DNAH10: variants seen among roughly 807,000 people sequenced by gnomAD.
DNAH10 encodes dynein axonemal heavy chain 10.
Under a neutral mutation model 506.6 loss-of-function variants are expected in DNAH10, and 348 were observed. That is an observed-to-expected ratio of 0.69 (90% CI 0.63 to 0.75). The LOEUF (loss-of-function observed/expected upper bound fraction) is 0.75, where lower values mean the gene tolerates loss of function less well. DNAH10 is among the 30% of genes least tolerant of loss of function. DNAH10 has a pLI of 0.00. For missense variants in DNAH10, 5,179 were observed against 5,787.1 expected, an observed-to-expected ratio of 0.89 and a Z score of 3.41; for synonymous variants, 2,059 against 2,198.6, an observed-to-expected ratio of 0.94 and a Z score of 1.78.
intron 1 of DNAH10, among the ~76,000 whole-genome samples, chr12:123,765,961 A>G (rs974403641): frequency 8.6e-5 from 13 of 152,008 alleles, no homozygotes; most frequent in African/African-American, 2.7e-4. Context: ...CTGTCTACCT[A>G]TCACTTACCT....
At position 123,902,819 on chromosome 12, in the gene DNAH10, C is replaced by T; in HGVS notation, c.9641-120C>T. The T allele has an allele frequency of 2.3e-6, 3 of 1,288,692 alleles. No individual in the cohort carries two copies. 79.8% of individuals were successfully genotyped at this position (1,288,692 alleles called of 1,614,324 possible). A position where few individuals can be genotyped will look rare whatever the true frequency, so the allele number is the denominator to read the frequency against. ...CTGAGGCTGCCACATTGGCCAGAGC[C>T]CCTTAGATCCCCGCTAGGGCTCAAG... is the stretch of plus-strand genomic sequence containing the variant. On this transcript the variant is annotated intron_variant, in intron 56 of 78. Coordinates refer to ENST00000673944, the MANE Select transcript of DNAH10 (RefSeq NM_001372106.1). The surrounding 1 kb of genome is among the most constrained non-coding windows in gnomAD (Gnocchi z 4.5).
chr12:123,897,631 G>A (rs554930859), intron 54 of DNAH10, 139 bp from the exon 55 acceptor site: 1 of 823,626 alleles, frequency 1.2e-6, no homozygotes, highest in Non-Finnish European at 1.8e-6. Flanking sequence ...AGGCTGAGGT[G>A]GGAGGATCAC....
intron 19 of DNAH10, among the ~76,000 whole-genome samples, chr12:123,811,933 C>T (rs1034836354): frequency 1.3e-5 from 2 of 152,034 alleles, no homozygotes; most frequent in South Asian, 2.1e-4. Context: ...CAACGCGCCC[C>T]GCCTAGTGTT....
Position 123,819,700 on chromosome 12 carries a change from G to GTTT in DNAH10, c.4000+470_4000+472dup, listed in dbSNP as rs768231077. Among the ~76,000 whole-genome samples the GTTT allele has an allele frequency of 3.0e-3, 307 of 101,800 alleles. 2 individuals are homozygous for GTTT. Among genetic ancestry groups the GTTT allele is most frequent in the African/African-American group, 3.6e-3 (90 of 24,912 alleles). The allele number at this position is 101,800 out of a possible 152,430, so 66.8% of individuals were successfully genotyped here. On this transcript the variant is annotated intron_variant, in intron 23 of 78. Coordinates refer to ENST00000673944, the MANE Select transcript of DNAH10 (RefSeq NM_001372106.1). ...GACAAGTTAAAAATACTAAAATTCT[G>GTTT]TTTTTTTTTTTTTTTTTTTTTTGAG... is the stretch of plus-strand genomic sequence containing the variant.
rs753806414 is a variant in DNAH10 at position 123,781,203 on chromosome 12, G to A, written c.745G>A (p.Val249Ile). Residue 249 changes from valine to isoleucine, a missense_variant, in exon 6 of 79, where the codon GTA (valine) becomes ATA (isoleucine). Coordinates refer to ENST00000673944, the MANE Select transcript of DNAH10 (RefSeq NM_001372106.1). Reference sequence around the variant, plus strand: ...CCTGCCGCCCATGCCTGGGGAGGCAGTAGAATATCACAGTATTCAATTAAT... The same window carrying A: ...CCTGCCGCCCATGCCTGGGGAGGCAATAGAATATCACAGTATTCAATTAAT... ...SDLPPMPGEAVEYHSIQLIRD... is the reference protein window; with the variant it reads ...SDLPPMPGEAIEYHSIQLIRD... 6.2e-7 allele frequency: 1 copy of A among 1,614,120 alleles called. No individual in the cohort carries two copies. Among genetic ancestry groups the A allele is most frequent in the South Asian group, 1.1e-5 (1 of 91,074 alleles).
rs77666229 is a variant in DNAH10, at chr12:123,785,638, A to G, written c.1231-108A>G. ...TGGGCACCAGACTTGGTCTCAAGGA[A>G]AAAAAAAAAAAAAAAAGAGTGAAAC... On this transcript the variant is annotated intron_variant, in intron 8 of 78. Transcript: ENST00000673944. This position sits in a 1 kb window ranked among gnomAD's most constrained non-coding sequence, Gnocchi z 4.1. The G allele has an allele frequency of 3.3e-4, 43 of 130,634 alleles. No homozygotes were observed. The East Asian group carries it at 8.6e-3, about 26-fold the overall frequency. 8.1% of individuals were successfully genotyped at this position (130,634 alleles called of 1,614,324 possible).
intron 10 of DNAH10, 47 bp from the exon 11 acceptor site, chr12:123,789,879 CA>C (rs1403391659): frequency 6.4e-7 from 1 of 1,551,080 alleles, no homozygotes; most frequent in East Asian, 2.3e-5. Flanking sequence ...CTAATATTCA[CA>C]GGAAAACCCA....
chr12:123,889,955 AGC>A, intron 52 of DNAH10, among the ~76,000 whole-genome samples: 1 of 152,168 alleles, frequency 6.6e-6, no homozygotes, highest in Admixed American at 6.5e-5. Flanking sequence ...ATGCAAACTC[AGC>A]TGCTTCTCTC....
At position 123,785,179 on chromosome 12, in the gene DNAH10, T is replaced by C. The variant is rs893833524; in HGVS notation, c.1231-567T>C. Among the ~76,000 whole-genome samples the C allele has an allele frequency of 3.3e-5, 5 of 152,232 alleles. No homozygotes were observed. The highest frequency in any genetic ancestry group is 7.3e-5 in the Non-Finnish European group (5 of 68,040). On this transcript the variant is annotated intron_variant, in intron 8 of 78. Transcript: ENST00000673944. This position sits in a 1 kb window ranked among gnomAD's most constrained non-coding sequence, Gnocchi z 4.1. ...TTTCTAGACTGTTTTCCAAAGTGGT[T>C]GTCCCATTTTACATTCTGAAGAGCA...
chr12:123,896,632 T>A (rs1349974500), intron 54 of DNAH10, among the ~76,000 whole-genome samples: 2 of 151,450 alleles, frequency 1.3e-5, no homozygotes, highest in African/African-American at 2.4e-5. Context: ...CCAAGGCCCT[T>A]CTGCCACGGT....
chr12:123,905,534 G>A (rs920270668), intron 57 of DNAH10, among the ~76,000 whole-genome samples: 5 of 152,132 alleles, frequency 3.3e-5, no homozygotes, highest in African/African-American at 1.2e-4. Context: ...CCAACAGGGG[G>A]CGCGATCACA....
intron 2 of DNAH10, 106 bp from the exon 3 acceptor site, chr12:123,771,495 C>T (rs548693785): frequency 8.0e-6 from 7 of 873,854 alleles, no homozygotes; most frequent in African/African-American, 5.0e-5. Flanking sequence ...TTTGATAACT[C>T]GCCTTTTGAA....
intron 38 of DNAH10, among the ~76,000 whole-genome samples, chr12:123,860,222 C>T (rs2136853096): frequency 6.6e-6 from 1 of 152,308 alleles, no homozygotes; most frequent in Non-Finnish European, 1.5e-5. Context: ...CATTTCTAGG[C>T]AGTCTATAAA....
Position 123,916,695 on chromosome 12 carries a change from C to T in DNAH10, c.10961C>T (p.Ser3654Phe), listed in dbSNP as rs778329491. ...ACCAAGCTGGCCAATCCCAGATATT[C>T]CCCATCCGTGTTTGGGAAAGCTATG... ...LNTKLANPRY[S>F]PSVFGKAMVI... The change falls in exon 63 of 79, where the codon TCC (serine) becomes TTC (phenylalanine). Residue 3654 changes from serine (S) to phenylalanine (F), a missense_variant. Ser to Phe is a radical substitution (Grantham distance 155, BLOSUM62 -2). Transcript: ENST00000673944. The surrounding 1 kb of genome is among the most constrained non-coding windows in gnomAD (Gnocchi z 4.6). The T allele has an allele frequency of 6.2e-7, 1 of 1,613,578 alleles. No individual in the cohort carries two copies. The highest frequency in any genetic ancestry group is 8.5e-7 in the Non-Finnish European group (1 of 1,179,694).
intron 5 of DNAH10, among the ~76,000 whole-genome samples, chr12:123,779,405 G>T (rs1168697135): frequency 1.3e-5 from 2 of 152,200 alleles, no homozygotes; most frequent in Admixed American, 1.3e-4. Context: ...AGGATGATAG[G>T]GGACCACTGT....
chr12:123,833,455 A>G lies in DNAH10; in HGVS notation c.4779+108A>G. 5 of 836,252 alleles carry G rather than the reference A, an allele frequency of 6.0e-6. No homozygotes were observed. The South Asian group carries it at 9.2e-5, about 15-fold the overall frequency. 51.8% of individuals were successfully genotyped at this position (836,252 alleles called of 1,614,324 possible). On this transcript the variant is annotated intron_variant, in intron 27 of 78. Transcript: ENST00000673944. ...TTTTATATGAGGATATTTTGTGCTTAGAAACAAATGATCCTCTTTCATACT... is the reference window on the plus strand; with the variant it reads ...TTTTATATGAGGATATTTTGTGCTTGGAAACAAATGATCCTCTTTCATACT...
intron 76 of DNAH10, 64 bp downstream of exon 76, chr12:123,932,172 C>T: frequency 6.3e-7 from 1 of 1,583,390 alleles, no homozygotes; most frequent in South Asian, 1.1e-5. Flanking sequence ...CCTCAAACCA[C>T]CTCCCAATCC....
At position 123,768,582 on chromosome 12, in the gene DNAH10, C is replaced by G. The variant is rs545816370; in HGVS notation, c.298+893C>G. Among the ~76,000 whole-genome samples, 4 of 152,040 alleles carry G rather than the reference C, an allele frequency of 2.6e-5. No homozygotes were observed. In the South Asian group the frequency reaches 8.3e-4, roughly 31 times the overall value. Reference sequence around the variant, plus strand: ...TAGGACATGCATTGTGGGGGACACTCTTCAACCGAGTGTAGTATGTAACAT... The same window carrying G: ...TAGGACATGCATTGTGGGGGACACTGTTCAACCGAGTGTAGTATGTAACAT... On this transcript the variant is annotated intron_variant, in intron 2 of 78. Coordinates refer to ENST00000673944, the MANE Select transcript of DNAH10 (RefSeq NM_001372106.1).
In DNAH10 at chr12:123,800,322, A is replaced by G; in HGVS notation, c.2396A>G (p.Glu799Gly). 6.2e-7 allele frequency: 1 copy of G among 1,614,140 alleles called. No homozygotes were observed. The highest frequency in any genetic ancestry group is 8.5e-7 in the Non-Finnish European group (1 of 1,180,032). Residue 799 changes from glutamate (E) to glycine (G), a missense_variant, in exon 15 of 79, where the codon GAG (glutamate) becomes GGG (glycine). Transcript: ENST00000673944. Reference sequence around the variant, plus strand: ...ATTATTAATGAAACAAAGTACTTAGAGCAGCTGGGGTTCACTGTCCCTGAA... The same window carrying G: ...ATTATTAATGAAACAAAGTACTTAGGGCAGCTGGGGTTCACTGTCCCTGAA... ...REIINETKYL[E>G]QLGFTVPELA...
Sources: allele counts gnomAD v4.1 joint callset (sites outside exome capture counted in the v4.1 genomes callset), GRCh38; gene constraint gnomAD v4.1.1; non-coding constraint Gnocchi (gnomAD v3.1); transcripts MANE v1.5; gene names NCBI Gene and HGNC (gene_info 2026-07-23, HGNC 2026-07-21).